The following RUFY2 variants were observed in gnomAD, a reference collection of about 807,000 sequenced individuals.
The protein encoded by RUFY2 is RUN and FYVE domain containing 2.
A neutral mutation model predicts 94.4 loss-of-function variants in RUFY2; 49 were observed. The observed-to-expected ratio is 0.52, with a 90% CI of 0.41 to 0.66. The LOEUF (loss-of-function observed/expected upper bound fraction) is 0.66. Ranked by LOEUF, RUFY2 falls within the 30% of genes least tolerant of loss-of-function variation. The pLI is 0.00. For missense variants in RUFY2, 541 were observed against 692.8 expected, an observed-to-expected ratio of 0.78 and a Z score of 2.46; for synonymous variants, 255 against 235.7, an observed-to-expected ratio of 1.08 and a Z score of -0.75.
intron 3 of RUFY2, among the ~76,000 whole-genome samples, chr10:68,399,495 T>C (rs1189397480): frequency 2.0e-5 from 3 of 152,232 alleles, no homozygotes; most frequent in African/African-American, 7.2e-5. Flanking sequence ...AGATAATTCA[T>C]GTAAAACAGG....
At chr10:68,367,717 TCTCC>T (rs1186165265) in intron 13 of RUFY2, among the ~76,000 whole-genome samples, 130 of 148,854 alleles carry the variant, frequency 8.7e-4, no homozygotes, top group East Asian at 2.7e-3. Context: ...TCTCTATCTC[TCTCC>T]CTCCCTCCCT....
At chr10:68,390,121 T>C (rs916628549) in intron 7 of RUFY2, among the ~76,000 whole-genome samples, 5 of 152,196 alleles carry the variant, frequency 3.3e-5, no homozygotes, top group African/African-American at 1.2e-4. Flanking sequence ...CAAGCTTGCA[T>C]TTAGAAATAC....
In RUFY2 at chr10:68,364,037, C is replaced by T. The variant is rs1229340175; in HGVS notation, c.1402G>A (p.Asp468Asn). The T allele has an allele frequency of 1.2e-5, 20 of 1,611,644 alleles. No individual in the cohort carries two copies. The highest frequency in any genetic ancestry group is 1.4e-5 in the Non-Finnish European group (17 of 1,178,160). Residue 468 changes from aspartate to asparagine, a missense_variant, in exon 14 of 18, where the codon GAT becomes AAT. Transcript: ENST00000602465. ...TCATTTCTAAGATGAGATAAGGCAT[C>T]TTTCTCCTTTTGAAGATCTTCCTGC... ...TLQEDLQKEK[D>N]ALSHLRNETQ...
intron 6 of RUFY2, chr10:68,393,860 G>A (rs2050180558): frequency 2.0e-6 from 2 of 1,019,472 alleles, no homozygotes; most frequent in Admixed American, 8.4e-5. Context: ...TATAACCAAA[G>A]GTCCCACTTC....
In RUFY2 at chr10:68,375,670, G is replaced by A. The variant is rs972485300; in HGVS notation, c.1325+1183C>T. On this transcript the variant is annotated intron_variant, in intron 13 of 17. Transcript: ENST00000602465. Reference sequence around the variant, plus strand: ...GAGTGCCTGTAGTCCCAGCTACTCAGGAGGCTGAGGCAGGAGAATGGCGTG... The same window carrying A: ...GAGTGCCTGTAGTCCCAGCTACTCAAGAGGCTGAGGCAGGAGAATGGCGTG... Among the ~76,000 whole-genome samples the A allele has an allele frequency of 2.0e-5, 3 of 151,844 alleles. No individual in the cohort carries two copies. In the East Asian group the frequency reaches 5.8e-4, roughly 29 times the overall value.
chr10:68,349,549 T>A (rs2132289490), intron 16 of RUFY2, among the ~76,000 whole-genome samples: 1 of 151,966 alleles, frequency 6.6e-6, no homozygotes, highest in Non-Finnish European at 1.5e-5. Context: ...AAAAAAAATT[T>A]TTTTTTTGAG....
chr10:68,390,958 G>T, intron 7 of RUFY2, among the ~76,000 whole-genome samples: 1 of 143,518 alleles, frequency 7.0e-6, no homozygotes. Context: ...TTTTTGAGAT[G>T]GAGTCTCGTT....
chr10:68,405,904 T>C (rs998267315), intron 1 of RUFY2, among the ~76,000 whole-genome samples: 2 of 150,880 alleles, frequency 1.3e-5, no homozygotes, highest in South Asian at 2.1e-4. Context: ...TGATTTTTAA[T>C]TGATATTTTT....
intron 15 of RUFY2, among the ~76,000 whole-genome samples, chr10:68,359,385 T>C (rs900434802): frequency 4.3e-4 from 62 of 145,546 alleles, no homozygotes; most frequent in African/African-American, 1.6e-3. Context: ...TATGTGTGTA[T>C]ATATACGTAT....
At position 68,350,335 on chromosome 10, in the gene RUFY2, C is replaced by T. The variant is rs180769753; in HGVS notation, c.1600-4251G>A. 1.9e-3 allele frequency among the ~76,000 whole-genome samples: 287 copies of T among 152,218 alleles called. 1 individual carries two copies. The highest frequency in any genetic ancestry group is 6.6e-3 in the African/African-American group (276 of 41,546). The stretch of plus-strand genomic sequence containing the variant: ...CTAATCAAGGCTTTAGATTTAACTT[C>T]CAGTTCACAGGCAACAAGTAGACAG... On this transcript the variant is annotated intron_variant, in intron 16 of 17. Coordinates refer to ENST00000602465, the MANE Select transcript of RUFY2 (RefSeq NM_001330103.2).
intron 16 of RUFY2, among the ~76,000 whole-genome samples, chr10:68,347,737 A>G (rs186917986): frequency 2.0e-4 from 30 of 152,278 alleles, no homozygotes; most frequent in Admixed American, 1.9e-3. Context: ...TTCCTAAAAC[A>G]TGTTCCTAAA....
chr10:68,344,619 G>A lies in RUFY2; in HGVS notation c.*1149C>T. The A allele has an allele frequency of 6.5e-6, 1 of 152,714 alleles. No individual in the cohort carries two copies. The highest frequency in any genetic ancestry group is 1.9e-4 in the East Asian group (1 of 5,206). The allele number at this position is 152,714 out of a possible 1,614,324, so 9.5% of individuals were successfully genotyped here. A position where few individuals can be genotyped will look rare whatever the true frequency, so the allele number is the denominator to read the frequency against. ...GGAGGCTGAGGCAGGAGAATTGCTT[G>A]AACCCAGGAGGTGGAGATCGTGCCA... is the stretch of plus-strand genomic sequence containing the variant. On this transcript the variant is annotated 3_prime_UTR_variant, in exon 18 of 18. Transcript: ENST00000602465.
At chr10:68,355,595 G>A (rs1436369644) in intron 15 of RUFY2, 194 bp from the exon 16 acceptor site, 2 of 433,734 alleles carry the variant, frequency 4.6e-6, no homozygotes, top group African/African-American at 2.1e-5. Flanking sequence ...AAATATTTTA[G>A]ATTTAAAACT....
Position 68,381,128 on chromosome 10 carries a change from A to G in RUFY2, c.1107+104T>C, listed in dbSNP as rs897771964. 5.2e-6 allele frequency: 4 copies of G among 763,206 alleles called. No homozygotes were observed. In the African/African-American group the frequency reaches 7.1e-5, roughly 13 times the overall value. The allele number at this position is 763,206 out of a possible 1,614,324, so 47.3% of individuals were successfully genotyped here. Reference sequence around the variant, plus strand: ...AAAAAAAGACATTGGCCTTTATAATATTGCACAGTTAAAATAAAATGGGCT... The same window carrying G: ...AAAAAAAGACATTGGCCTTTATAATGTTGCACAGTTAAAATAAAATGGGCT... On this transcript the variant is annotated intron_variant, in intron 11 of 17. Transcript: ENST00000602465.
chr10:68,391,257 A>G (rs1324635498), intron 7 of RUFY2, among the ~76,000 whole-genome samples: 1 of 151,998 alleles, frequency 6.6e-6, no homozygotes, highest in African/African-American at 2.4e-5. Flanking sequence ...TATTGATTGC[A>G]TGTTGGAAGA....
chr10:68,381,263 G>A lies in RUFY2; in HGVS notation c.1076C>T (p.Ala359Val), dbSNP rs748768314. Reference sequence around the variant, plus strand: ...CTTTTGATACATCTCTATGTTAATTGCTTTAACTTCCTCTAGTTGTTGTCG... The same window carrying A: ...CTTTTGATACATCTCTATGTTAATTACTTTAACTTCCTCTAGTTGTTGTCG... ...GLRQQLEEVK[A>V]INIEMYQKLQ... Residue 359 changes from alanine (A) to valine (V), a missense_variant, in exon 11 of 18, where the codon GCA (alanine) becomes GTA (valine). Around this residue, in one of 3 missense-constraint regions of RUFY2, gnomAD observed 403 missense variants for 480.7 expected, o/e 0.84. Coordinates refer to ENST00000602465, the MANE Select transcript of RUFY2 (RefSeq NM_001330103.2). 8.7e-6 allele frequency: 14 copies of A among 1,612,760 alleles called. No homozygotes were observed. The South Asian group carries it at 1.4e-4, about 17-fold the overall frequency.
Position 68,394,073 on chromosome 10 carries a change from A to G in RUFY2, c.584+2T>C, listed in dbSNP as rs2050200956. ...ATGTGAAATAACTTATGAAAATCAT[A>G]CCTTTCTTTATTTCCAATATCTTCT... On this transcript the variant is annotated splice_donor_variant, in intron 6 of 17. Coordinates refer to ENST00000602465, the MANE Select transcript of RUFY2 (RefSeq NM_001330103.2). LOFTEE classifies it high-confidence loss of function. 4 of 1,503,900 alleles carry G rather than the reference A, an allele frequency of 2.7e-6. No individual in the cohort carries two copies. Among genetic ancestry groups the G allele is most frequent in the Non-Finnish European group, 2.7e-6 (3 of 1,118,448 alleles). The allele number at this position is 1,503,900 out of a possible 1,614,324, so 93.2% of individuals were successfully genotyped here. A position where few individuals can be genotyped will look rare whatever the true frequency, so the allele number is the denominator to read the frequency against.
At chr10:68,386,208 A>C in intron 7 of RUFY2, 80 bp from the exon 8 acceptor site, 1 of 1,132,994 alleles carries the variant, frequency 8.8e-7, no homozygotes, top group Non-Finnish European at 1.3e-6. Flanking sequence ...TCCTAGATTT[A>C]CTATGTTTAC....
rs1411788457 is a variant in RUFY2, at chr10:68,343,587, A to G, written c.*2181T>C. The G allele has an allele frequency of 6.6e-6, 1 of 152,554 alleles. No individual in the cohort carries two copies. Among genetic ancestry groups the G allele is most frequent in the African/African-American group, 2.4e-5 (1 of 41,428 alleles). The allele number at this position is 152,554 out of a possible 1,614,324, so 9.5% of individuals were successfully genotyped here. On this transcript the variant is annotated 3_prime_UTR_variant, in exon 18 of 18. Coordinates refer to ENST00000602465, the MANE Select transcript of RUFY2 (RefSeq NM_001330103.2). The stretch of plus-strand genomic sequence containing the variant: ...TTTTTAAACATTATAGGTTAGAAGA[A>G]TTACAATTGTAATTCCCTGGCACCA...
Sources: allele counts gnomAD v4.1 joint callset (sites outside exome capture counted in the v4.1 genomes callset), GRCh38; gene constraint gnomAD v4.1.1; regional missense constraint gnomAD v4.1.1; transcripts MANE v1.5; gene names NCBI Gene and HGNC (gene_info 2026-07-23, HGNC 2026-07-21).